Variants in PLAGL1 observed in about 807,000 individuals in gnomAD.
PLAGL1 encodes the protein PLAG1 like zinc finger 1, also known as zinc finger protein PLAGL1.
A neutral mutation model predicts 4.6 loss-of-function variants in PLAGL1; 1 was observed. The observed-to-expected ratio is 0.22, with a 90% CI of 0.08 to 1.03. The LOEUF (loss-of-function observed/expected upper bound fraction) is 1.03, where lower values mean the gene tolerates loss of function less well. Among genes scored for constraint, PLAGL1 ranks in the 50% least tolerant of loss-of-function variants. PLAGL1 has a pLI of 0.58. For synonymous variants in PLAGL1, 240 were observed against 237.8 expected, an observed-to-expected ratio of 1.01 and a Z score of -0.08; for missense variants, 464 against 570.4, an observed-to-expected ratio of 0.81 and a Z score of 1.90.
At chr6:143,943,050 T>TTTTTTTTTTTTA (rs1562373964) in intron 7 of PLAGL1, among the ~76,000 whole-genome samples, 5 of 147,330 alleles carry the variant, frequency 3.4e-5, no homozygotes, top group South Asian at 2.2e-4. Flanking sequence ...TTTTTTTTTT[T>TTTTTTTTTTTTA]GAGACAAGGT....
At position 143,947,913 on chromosome 6, in the gene PLAGL1, G is replaced by C; in HGVS notation, c.152+72C>G. On this transcript the variant is annotated intron_variant, in intron 7 of 7. Coordinates refer to ENST00000674357, the MANE Select transcript of PLAGL1 (RefSeq NM_001317162.2). This position sits in a 1 kb window ranked among gnomAD's most constrained non-coding sequence, Gnocchi z 4.3. Reference sequence around the variant, plus strand: ...TCCTGTGTCCCTTTCCCCTTGCATCGTGTGGTCTGAGGGCTAGAAAAGCCA... The same window carrying C: ...TCCTGTGTCCCTTTCCCCTTGCATCCTGTGGTCTGAGGGCTAGAAAAGCCA... The C allele has an allele frequency of 7.9e-7, 1 of 1,267,816 alleles. No homozygotes were observed. The highest frequency in any genetic ancestry group is 1.1e-6 in the Non-Finnish European group (1 of 881,570). The allele number at this position is 1,267,816 out of a possible 1,614,324, so 78.5% of individuals were successfully genotyped here.
chr6:144,018,162 A>C (rs561348752), intron 1 of PLAGL1, among the ~76,000 whole-genome samples: 2 of 152,374 alleles, frequency 1.3e-5, no homozygotes, highest in Non-Finnish European at 2.9e-5. Context: ...ATTGAAGAGG[A>C]ATAGGATATT....
rs191992903 is a variant in PLAGL1 at position 144,024,273 on chromosome 6, G to T, written c.-151+40195C>A. 9.4e-4 allele frequency among the ~76,000 whole-genome samples: 143 copies of T among 152,236 alleles called. 1 individual carries two copies. In the Middle Eastern group the frequency reaches 0.017, roughly 18 times the overall value. ...CCAATAAAAGGAACCATGCCCCTTG[G>T]AGAAAGCATTCATGTGAGGGGTGGG... On this transcript the variant is annotated intron_variant, in intron 1 of 3. Coordinates refer to the PLAGL1 transcript ENST00000437412.
chr6:144,001,632 C>T (rs918547506), intron 1 of PLAGL1, among the ~76,000 whole-genome samples: 1 of 152,054 alleles, frequency 6.6e-6, no homozygotes, highest in Non-Finnish European at 1.5e-5. Context: ...GGACTTTCTC[C>T]TAACAAATAG....
rs774556526 is a variant in PLAGL1, at chr6:143,959,314, T to A, written c.-325+1155A>T. On this transcript the variant is annotated intron_variant, in intron 6 of 7. Transcript: ENST00000674357. The surrounding 1 kb of genome is among the most constrained non-coding windows in gnomAD (Gnocchi z 5.3). ...CCACACCCCACCTGTTCGCAGCCCA[T>A]GGACTCGCCACTGAATACTTCGGCA... Among the ~76,000 whole-genome samples, 2 of 152,242 alleles carry A rather than the reference T, an allele frequency of 1.3e-5. No homozygotes were observed. The highest frequency in any genetic ancestry group is 2.1e-4 in the South Asian group (1 of 4,824).
chr6:143,958,038 T>C lies in PLAGL1; in HGVS notation c.-325+2431A>G, dbSNP rs1782538574. ...AAGAGCTCGGAGTCATGAAGCAGCA[T>C]AGGGCAATGTGGAACACGTGGTGCA... On this transcript the variant is annotated intron_variant, in intron 6 of 7. Transcript: ENST00000674357. The surrounding 1 kb of genome is among the most constrained non-coding windows in gnomAD (Gnocchi z 5.1). 1.3e-5 allele frequency among the ~76,000 whole-genome samples: 2 copies of C among 152,124 alleles called. No individual in the cohort carries two copies. Among genetic ancestry groups the C allele is most frequent in the African/African-American group, 2.4e-5 (1 of 41,422 alleles).
chr6:143,988,523 A>C (rs1789706716), intron 1 of PLAGL1, among the ~76,000 whole-genome samples: 1 of 152,164 alleles, frequency 6.6e-6, no homozygotes, highest in South Asian at 2.1e-4. Flanking sequence ...CTTTCCTTTG[A>C]ATTGCATTTA....
intron 7 of PLAGL1, among the ~76,000 whole-genome samples, chr6:143,946,074 C>G (rs1305370237): frequency 6.6e-6 from 1 of 152,192 alleles, no homozygotes; most frequent in Non-Finnish European, 1.5e-5. Context: ...CTGTCATACC[C>G]AAATACACAT....
At chr6:144,008,313 G>C (rs1230812257), upstream of PLAGL1, 1 of 151,940 alleles carries the variant, frequency 6.6e-6, no homozygotes, top group African/African-American at 2.4e-5. This position sits in a 1 kb window ranked among gnomAD's most constrained non-coding sequence, Gnocchi z 6.9. Context: ...GTACCGACGG[G>C]CTGAATGACA....
rs763085546 is a variant in PLAGL1 at position 144,056,334 on chromosome 6, AT to A, written c.-151+8133del. 6.6e-6 allele frequency among the ~76,000 whole-genome samples: 1 copy of A among 152,136 alleles called. No individual in the cohort carries two copies. Among genetic ancestry groups the A allele is most frequent in the Non-Finnish European group, 1.5e-5 (1 of 68,018 alleles). ...ACTGTTCAATCCACACTGACACACCATTATCACCCAGCGTCCATGGTTCACA... is the reference window on the plus strand; with the variant it reads ...ACTGTTCAATCCACACTGACACACCATATCACCCAGCGTCCATGGTTCACA... On this transcript the variant is annotated intron_variant, in intron 1 of 3. Coordinates refer to the PLAGL1 transcript ENST00000437412. The surrounding 1 kb of genome is among the most constrained non-coding windows in gnomAD (Gnocchi z 4.7).
At chr6:144,007,771 T>C (rs938615426) in intron 1 of PLAGL1, 3 of 152,250 alleles carry the variant, frequency 2.0e-5, no homozygotes, top group Admixed American at 1.3e-4. Flanking sequence ...TTCTGTTTTT[T>C]TCCTGGCCCG....
chr6:143,952,697 C>T lies in PLAGL1; in HGVS notation c.-324-4237G>A, dbSNP rs535415922. On this transcript the variant is annotated intron_variant, in intron 6 of 7. Transcript: ENST00000674357. This position sits in a 1 kb window ranked among gnomAD's most constrained non-coding sequence, Gnocchi z 6.1. ...AGGACTTCTCCAGTGCTACATAACACATCATCTAATGGGGCACAACTGCTT... is the reference window on the plus strand; with the variant it reads ...AGGACTTCTCCAGTGCTACATAACATATCATCTAATGGGGCACAACTGCTT... 6.6e-6 allele frequency among the ~76,000 whole-genome samples: 1 copy of T among 152,304 alleles called. No individual in the cohort carries two copies. The highest frequency in any genetic ancestry group is 1.9e-4 in the East Asian group (1 of 5,188).
In PLAGL1 at chr6:143,982,441, G is replaced by T. The variant is rs1196461652; in HGVS notation, c.-544+2694C>A. 6.6e-6 allele frequency among the ~76,000 whole-genome samples: 1 copy of T among 152,158 alleles called. No homozygotes were observed. Among genetic ancestry groups the T allele is most frequent in the African/African-American group, 2.4e-5 (1 of 41,442 alleles). ...GTAATGGGACCCATAGCACATAGGA[G>T]ATGATAAGCCTCCGTAAGCGAGATG... On this transcript the variant is annotated intron_variant, in intron 2 of 7. Transcript: ENST00000674357. The surrounding 1 kb of genome is among the most constrained non-coding windows in gnomAD (Gnocchi z 5.3).
chr6:144,002,884 T>A (rs1396601258), intron 1 of PLAGL1, among the ~76,000 whole-genome samples: 2 of 5,796 alleles, frequency 3.5e-4, no homozygotes, highest in African/African-American at 5.7e-4. Context: ...TCTGGTAGGC[T>A]TTTTTTTTTT....
chr6:144,033,054 G>A (rs1796949722), intron 1 of PLAGL1, among the ~76,000 whole-genome samples: 2 of 152,202 alleles, frequency 1.3e-5, no homozygotes, highest in Non-Finnish European at 2.9e-5. Flanking sequence ...CAGTAGTAGA[G>A]CCCAAGTTTC....
Position 143,948,764 on chromosome 6 carries a change from AAACAACAAC to A in PLAGL1, c.-324-313_-324-305del, listed in dbSNP as rs3060705. Among the ~76,000 whole-genome samples, 31 of 107,184 alleles carry A rather than the reference AAACAACAAC, an allele frequency of 2.9e-4. No homozygotes were observed. The highest frequency in any genetic ancestry group is 5.0e-4 in the Admixed American group (5 of 10,032). 70.3% of individuals were successfully genotyped at this position (107,184 alleles called of 152,430 possible). On this transcript the variant is annotated intron_variant, in intron 6 of 7. Coordinates refer to ENST00000674357, the MANE Select transcript of PLAGL1 (RefSeq NM_001317162.2). The surrounding 1 kb of genome is among the most constrained non-coding windows in gnomAD (Gnocchi z 6.0). ...GTGAAGCTCCATTGACCAAAGAGAA[AAACAACAAC>A]AACAACAACAACAACAACAAACAAA... is the stretch of plus-strand genomic sequence containing the variant.
Position 143,968,410 on chromosome 6 carries a change from T to TA in PLAGL1, c.-472+496dup, listed in dbSNP as rs1784831343. On this transcript the variant is annotated intron_variant, in intron 3 of 7. Transcript: ENST00000674357. The surrounding 1 kb of genome is among the most constrained non-coding windows in gnomAD (Gnocchi z 6.3). ...AGAGTGGTTTAGAGACTCTGAATTG[T>TA]AACATACGTTACATTCTAGATATCT... 1 of 152,130 alleles carries TA rather than the reference T, an allele frequency of 6.6e-6. No individual in the cohort carries two copies. The highest frequency in any genetic ancestry group is 2.4e-5 in the African/African-American group (1 of 41,444). 9.4% of individuals were successfully genotyped at this position (152,130 alleles called of 1,614,324 possible). A position where few individuals can be genotyped will look rare whatever the true frequency, so the allele number is the denominator to read the frequency against.
At chr6:143,974,191 AC>A (rs1785987701) in intron 2 of PLAGL1, among the ~76,000 whole-genome samples, 1 of 152,362 alleles carries the variant, frequency 6.6e-6, no homozygotes, top group East Asian at 1.9e-4. Flanking sequence ...GAACCCTATA[AC>A]AAAATGCCTT....
chr6:143,951,429 G>A (rs1781054273), intron 6 of PLAGL1, among the ~76,000 whole-genome samples: 2 of 152,200 alleles, frequency 1.3e-5, no homozygotes, highest in Middle Eastern at 3.2e-3. Context: ...GTGTAGAAAG[G>A]ACACAAGAGG....
Sources: gnomAD v4.1 joint callset for allele counts (sites outside exome capture counted in the v4.1 genomes callset) on GRCh38, gnomAD v4.1.1 for gene constraint, Gnocchi (gnomAD v3.1) non-coding constraint, MANE v1.5 for transcripts, NCBI Gene and HGNC (gene_info 2026-07-23, HGNC 2026-07-21) for gene names.